AK5: variants seen among roughly 807,000 people sequenced by gnomAD.
The protein encoded by AK5 is adenylate kinase 5, also known as adenylate kinase isoenzyme 5.
In AK5, 27 loss-of-function variants were observed where a neutral mutation model predicts 69.5. The observed-to-expected ratio is 0.39, with a 90% CI of 0.29 to 0.54. The LOEUF (loss-of-function observed/expected upper bound fraction) is 0.54. AK5 is among the 20% of genes least tolerant of loss of function. AK5 has a pLI of 0.71. For synonymous variants in AK5, 260 were observed against 244.4 expected (o/e 1.06, Z -0.60); for missense variants, 531 against 700.4 (o/e 0.76, Z 2.73).
At chr1:77,490,346 G>T (rs1655904683) in intron 10 of AK5, among the ~76,000 whole-genome samples, 1 of 152,148 alleles carries the variant, frequency 6.6e-6, no homozygotes, top group Admixed American at 6.5e-5. Flanking sequence ...AGTCACAGGT[G>T]GGAGCAGGTG....
At chr1:77,282,449 C>A in intron 1 of AK5, 76 bp downstream of exon 1, 2 of 1,492,536 alleles carry the variant, frequency 1.3e-6, no homozygotes, top group Non-Finnish European at 1.8e-6. Flanking sequence ...GCAGCCGCGC[C>A]CCGTCCCACC....
At chr1:77,454,413 G>A (rs2100662802) in intron 8 of AK5, among the ~76,000 whole-genome samples, 1 of 152,208 alleles carries the variant, frequency 6.6e-6, no homozygotes, top group East Asian at 1.9e-4. Flanking sequence ...TGAACCAACA[G>A]CAGGAAAAGA....
At chr1:77,515,617 G>A (rs1446966843) in intron 10 of AK5, among the ~76,000 whole-genome samples, 1 of 152,238 alleles carries the variant, frequency 6.6e-6, no homozygotes, top group Non-Finnish European at 1.5e-5. Context: ...CAGCCCAAGA[G>A]TAAGACAGGC....
chr1:77,365,288 G>T (rs929396583), intron 6 of AK5, among the ~76,000 whole-genome samples: 1 of 152,072 alleles, frequency 6.6e-6, no homozygotes, highest in Non-Finnish European at 1.5e-5. Flanking sequence ...TGAATAGTTT[G>T]CAAGTATCTT....
intron 10 of AK5, among the ~76,000 whole-genome samples, chr1:77,507,721 T>C (rs921008481): frequency 1.3e-5 from 2 of 152,160 alleles, no homozygotes; most frequent in Non-Finnish European, 2.9e-5. Flanking sequence ...CATTATTACG[T>C]TGTAAATATA....
chr1:77,383,692 A>G (rs925576481), intron 6 of AK5, among the ~76,000 whole-genome samples: 1 of 152,190 alleles, frequency 6.6e-6, no homozygotes, highest in Non-Finnish European at 1.5e-5. Flanking sequence ...TACAATTCCA[A>G]TTAAAATATC....
chr1:77,502,619 TA>T (rs1019008686), intron 10 of AK5, among the ~76,000 whole-genome samples: 3 of 151,692 alleles, frequency 2.0e-5, no homozygotes, highest in African/African-American at 4.8e-5. Context: ...ATTTGGCTTT[TA>T]AAAAAAAAGT....
chr1:77,390,687 A>G (rs72679585), intron 6 of AK5, among the ~76,000 whole-genome samples: 429 of 152,370 alleles, frequency 2.8e-3, no homozygotes, highest in Middle Eastern at 6.8e-3. Context: ...AGGAAATAAA[A>G]GCAAACACAA....
chr1:77,339,644 C>CTTT (rs34298832), intron 5 of AK5, among the ~76,000 whole-genome samples: 23 of 123,156 alleles, frequency 1.9e-4, no homozygotes, highest in Non-Finnish European at 3.4e-4. Flanking sequence ...TTAGCAATAT[C>CTTT]TTTTTTTTTT....
intron 10 of AK5, among the ~76,000 whole-genome samples, chr1:77,486,741 CTCA>C (rs1466800323): frequency 2.0e-5 from 3 of 151,022 alleles, no homozygotes; most frequent in Middle Eastern, 3.2e-3. Flanking sequence ...CTATTTATTT[CTCA>C]TCCTGTTTTG....
chr1:77,483,325 C>T lies in AK5; in HGVS notation c.1068C>T (p.Asp356=), dbSNP rs757021540. Reference sequence around the variant, plus strand: ...TGTGATTTTTTTAACAGGGTGATGACCAGTTAAATGTATTTGGAGAGGACA... The same window carrying T: ...TGTGATTTTTTTAACAGGGTGATGATCAGTTAAATGTATTTGGAGAGGACA... ...TGSDYEDQGD[D]QLNVFGEDTM... is the part of the protein sequence containing the mutation. Residue 356 remains aspartate, a synonymous_variant, in exon 9 of 14, where the codon GAC becomes GAT. Transcript: ENST00000354567. The T allele has an allele frequency of 3.7e-6, 6 of 1,611,608 alleles. No individual in the cohort carries two copies. Among genetic ancestry groups the T allele is most frequent in the Non-Finnish European group, 3.4e-6 (4 of 1,178,000 alleles).
Position 77,541,336 on chromosome 1 carries a change from A to T in AK5, c.1620+5298A>T, listed in dbSNP as rs566479034. 3.3e-5 allele frequency among the ~76,000 whole-genome samples: 5 copies of T among 152,244 alleles called. No homozygotes were observed. The East Asian group carries it at 5.8e-4, about 18-fold the overall frequency. ...CCACTCAGGGGACTAAGGTGGGAGG[A>T]TTATTTGAGCCCAGGAGGTTGAGGC... On this transcript the variant is annotated intron_variant, in intron 13 of 13. Transcript: ENST00000354567.
chr1:77,535,513 C>T (rs1011054904), intron 12 of AK5, among the ~76,000 whole-genome samples: 43 of 152,168 alleles, frequency 2.8e-4, no homozygotes, highest in Non-Finnish European at 1.6e-4. Context: ...AAAGGCTTCA[C>T]ATTAGAGGAA....
chr1:77,514,894 A>G (rs1657552161), intron 10 of AK5, among the ~76,000 whole-genome samples: 1 of 152,204 alleles, frequency 6.6e-6, no homozygotes, highest in South Asian at 2.1e-4. Context: ...CAACCATCCC[A>G]GGAAAAGCAT....
chr1:77,429,091 A>T (rs1320529343), intron 8 of AK5, among the ~76,000 whole-genome samples: 2 of 152,126 alleles, frequency 1.3e-5, no homozygotes, highest in Non-Finnish European at 1.5e-5. Context: ...TAGCTGCATG[A>T]TTTATAATCC....
chr1:77,394,090 C>T (rs555813305), intron 6 of AK5, among the ~76,000 whole-genome samples: 100 of 152,030 alleles, frequency 6.6e-4, no homozygotes, highest in Non-Finnish European at 1.2e-3. Context: ...TGACGTGTAC[C>T]TGTAGTTCCA....
At chr1:77,434,360 A>C (rs1337189657) in intron 8 of AK5, among the ~76,000 whole-genome samples, 1 of 152,110 alleles carries the variant, frequency 6.6e-6, no homozygotes, top group Non-Finnish European at 1.5e-5. Flanking sequence ...CATACAATTT[A>C]CTAAGTAAAC....
chr1:77,302,135 A>G (rs1257837642), intron 5 of AK5, among the ~76,000 whole-genome samples: 3 of 152,050 alleles, frequency 2.0e-5, no homozygotes, highest in Non-Finnish European at 2.9e-5. Context: ...CCTGGCCTCA[A>G]GTGATCATCC....
chr1:77,430,914 G>A lies in AK5; in HGVS notation c.1059+13199G>A, dbSNP rs140771657. On this transcript the variant is annotated intron_variant, in intron 8 of 13. Transcript: ENST00000354567. ...AAGCATGTTTTAACTCACAGGAAAG[G>A]TCTACTTGTTTGTGAAAAGGAGAAT... 1.5e-4 allele frequency among the ~76,000 whole-genome samples: 23 copies of A among 152,298 alleles called. No homozygotes were observed. In the East Asian group the frequency reaches 4.2e-3, roughly 28 times the overall value.
Sources: allele counts gnomAD v4.1 joint callset (sites outside exome capture counted in the v4.1 genomes callset), GRCh38; gene constraint gnomAD v4.1.1; transcripts MANE v1.5; gene names NCBI Gene and HGNC (gene_info 2026-07-23, HGNC 2026-07-21).